The following CEACAM4 variants were observed in gnomAD, a reference collection of about 807,000 sequenced individuals.
CEACAM4 encodes CEA cell adhesion molecule 4.
CEACAM4 carries 30 observed loss-of-function variants against 28.7 expected under a neutral mutation model. The observed-to-expected ratio is 1.05, with a 90% CI of 0.78 to 1.42. The LOEUF is 1.42. Among genes scored for constraint, CEACAM4 ranks in the 40% most tolerant of loss-of-function variants. The pLI, the probability that CEACAM4 is intolerant of heterozygous loss-of-function variation, is 0.00. For missense variants in CEACAM4, 330 were observed against 308.2 expected (o/e 1.07, Z -0.53); for synonymous variants, 143 against 126.5 (o/e 1.13, Z -0.87).
chr19:41,616,158 C>T (rs1555798796), downstream of CEACAM4, among the ~76,000 whole-genome samples: 2 of 152,042 alleles, frequency 1.3e-5, no homozygotes, highest in African/African-American at 4.8e-5. Flanking sequence ...GCCTCCCGAA[C>T]AGCCAGGACT....
Position 41,620,202 on chromosome 19 carries a change from C to A in CEACAM4, c.627+9G>T. The stretch of plus-strand genomic sequence containing the variant: ...CAGTAGAAAAGGGCTGGGGAGGGAA[C>A]AGGCTTACCGAGAAGGTGGATCTGT... On this transcript the variant is annotated intron_variant, in intron 5 of 6. Transcript: ENST00000221954. 1 of 1,491,872 alleles carries A rather than the reference C, an allele frequency of 6.7e-7. No individual in the cohort carries two copies. The highest frequency in any genetic ancestry group is 1.4e-5 in the South Asian group (1 of 72,994). The allele number at this position is 1,491,872 out of a possible 1,614,324, so 92.4% of individuals were successfully genotyped here.
rs782595336 is a variant in CEACAM4 at position 41,620,565 on chromosome 19, G to A, written c.595+10C>T. ...AGGGGCTCCCACACCTGGGCTGAAGGGACACTCACCAGGGGTGGAGGCTGG... is the reference window on the plus strand; with the variant it reads ...AGGGGCTCCCACACCTGGGCTGAAGAGACACTCACCAGGGGTGGAGGCTGG... On this transcript the variant is annotated intron_variant, in intron 4 of 6. Coordinates refer to ENST00000221954, the MANE Select transcript of CEACAM4 (RefSeq NM_001817.4). 8 of 1,611,034 alleles carry A rather than the reference G, an allele frequency of 5.0e-6. No homozygotes were observed. The African/African-American group carries it at 1.1e-4, about 22-fold the overall frequency.
downstream of CEACAM4, among the ~76,000 whole-genome samples, chr19:41,615,391 G>A (rs1555798703): frequency 1.3e-5 from 2 of 152,064 alleles, no homozygotes; most frequent in Admixed American, 6.5e-5. Flanking sequence ...CCCCTGCGCA[G>A]TGAAGCCTCA....
downstream of CEACAM4, among the ~76,000 whole-genome samples, chr19:41,617,392 G>A (rs2071001471): frequency 6.6e-6 from 1 of 152,208 alleles, no homozygotes; most frequent in Non-Finnish European, 1.5e-5. Flanking sequence ...TGTGTAGTTT[G>A]TAGTGAACGA....
downstream of CEACAM4, among the ~76,000 whole-genome samples, chr19:41,615,161 G>A (rs183247874): frequency 5.3e-5 from 8 of 152,162 alleles, no homozygotes; most frequent in East Asian, 1.5e-3. Context: ...GTGAACAGAG[G>A]TGTGTTATGT....
Position 41,619,294 on chromosome 19 carries a change from G to T in CEACAM4, c.*36C>A, listed in dbSNP as rs199844441. 124 of 1,576,764 alleles carry T rather than the reference G, an allele frequency of 7.9e-5. No homozygotes were observed. The East Asian group carries it at 2.7e-3, about 34-fold the overall frequency. On this transcript the variant is annotated 3_prime_UTR_variant, in exon 7 of 7. Transcript: ENST00000221954. The stretch of plus-strand genomic sequence containing the variant: ...CCCCAGGGCTGGGAGCTTCGGGGAC[G>T]CTCCATCAACCCACAAGAGCAGCTC...
chr19:41,625,770 GTC>G lies in CEACAM4; in HGVS notation c.253_254del (p.Asp85HisfsTer47). The G allele has an allele frequency of 1.2e-6, 2 of 1,613,972 alleles. No homozygotes were observed. Among genetic ancestry groups the G allele is most frequent in the East Asian group, 4.5e-5 (2 of 44,852 alleles). ...CGGCCCCTGGGATATTTGCTTGAAT[GTC>G]TGTTATATAACCAGCAATGAGAGGG... is the stretch of plus-strand genomic sequence containing the variant. ...GSPLIAGYIT[D>X]IQANIPGAAY... On this transcript the variant is annotated frameshift_variant, in exon 2 of 7. Transcript: ENST00000221954. LOFTEE classifies it high-confidence loss of function.
At chr19:41,621,067 C>T (rs939837280) in intron 3 of CEACAM4, among the ~76,000 whole-genome samples, 9 of 152,102 alleles carry the variant, frequency 5.9e-5, no homozygotes, top group Non-Finnish European at 1.2e-4. Context: ...TGGCCAGACC[C>T]TCCTTTCAGG....
In CEACAM4 at chr19:41,619,281, G is replaced by A; in HGVS notation, c.*49C>T. 2.0e-6 allele frequency: 3 copies of A among 1,491,468 alleles called. No individual in the cohort carries two copies. The highest frequency in any genetic ancestry group is 2.8e-6 in the Non-Finnish European group (3 of 1,068,842). 92.4% of individuals were successfully genotyped at this position (1,491,468 alleles called of 1,614,324 possible). On this transcript the variant is annotated 3_prime_UTR_variant, in exon 7 of 7. Transcript: ENST00000221954. ...TGTCCTTCCCCGTCCCCAGGGCTGG[G>A]AGCTTCGGGGACGCTCCATCAACCC...
intron 3 of CEACAM4, 91 bp from the exon 4 acceptor site, chr19:41,620,718 A>G (rs1280769961): frequency 3.6e-6 from 4 of 1,098,240 alleles, no homozygotes; most frequent in Non-Finnish European, 5.5e-6. Context: ...TCCATTTTCA[A>G]GGACTGGAGT....
chr19:41,625,802 CT>C lies in CEACAM4; in HGVS notation c.222del (p.Ser76AlafsTer8). Reference sequence around the variant, plus strand: ...ATATAACCAGCAATGAGAGGGCTCCCTTCTGCCGTTTTCCCCTTGTGCCAAT... The same window carrying C: ...ATATAACCAGCAATGAGAGGGCTCCCTCTGCCGTTTTCCCCTTGTGCCAAT... Reference protein sequence around the residue: ...AYYWHKGKTAEGSPLIAGYIT... With the variant: ...AYYWHKGKTAXGSPLIAGYIT... On this transcript the variant is annotated frameshift_variant, in exon 2 of 7. Coordinates refer to ENST00000221954, the MANE Select transcript of CEACAM4 (RefSeq NM_001817.4). LOFTEE classifies it high-confidence loss of function. 1 of 1,613,980 alleles carries C rather than the reference CT, an allele frequency of 6.2e-7. No individual in the cohort carries two copies. Among genetic ancestry groups the C allele is most frequent in the Non-Finnish European group, 8.5e-7 (1 of 1,179,964 alleles).
At chr19:41,622,884 A>AGATAGATAGAT (rs2071391317) in intron 2 of CEACAM4, among the ~76,000 whole-genome samples, 1 of 126,542 alleles carries the variant, frequency 7.9e-6, no homozygotes, top group Admixed American at 7.4e-5. Context: ...ATAGATAGAT[A>AGATAGATAGAT]GATAGATAGA....
downstream of CEACAM4, among the ~76,000 whole-genome samples, chr19:41,616,502 TAGATAGATA>T (rs2122401313): frequency 1.7e-5 from 2 of 116,160 alleles, no homozygotes; most frequent in Non-Finnish European, 3.8e-5. Context: ...GATAGATAGA[TAGATAGATA>T]GATAGATAGA....
At chr19:41,622,402 T>C (rs1416388672) in intron 2 of CEACAM4, among the ~76,000 whole-genome samples, 1 of 152,104 alleles carries the variant, frequency 6.6e-6, no homozygotes, top group Non-Finnish European at 1.5e-5. Context: ...TCTTTTCCAT[T>C]CCATGATTGT....
At chr19:41,614,992 A>G (rs2070968813), downstream of CEACAM4, among the ~76,000 whole-genome samples, 1 of 151,256 alleles carries the variant, frequency 6.6e-6, no homozygotes, top group South Asian at 2.1e-4. Context: ...AGGGGAAGGG[A>G]AAGTTTGGGC....
intron 2 of CEACAM4, 35 bp from the exon 3 acceptor site, chr19:41,621,803 A>T: frequency 7.7e-7 from 1 of 1,293,260 alleles, no homozygotes; most frequent in Non-Finnish European, 1.1e-6. Context: ...GACAAGGCCC[A>T]AGTTTGTTCC....
rs1164354653 is a variant in CEACAM4, at chr19:41,625,777, A to G, written c.248T>C (p.Ile83Thr). 4.3e-6 allele frequency: 7 copies of G among 1,613,820 alleles called. No individual in the cohort carries two copies. In the African/African-American group the frequency reaches 8.0e-5, roughly 18 times the overall value. Residue 83 changes from isoleucine to threonine, a missense_variant, in exon 2 of 7, where the codon ATA (isoleucine) becomes ACA (threonine). Physicochemically the swap from Ile to Thr is moderately conservative, Grantham distance 89. Transcript: ENST00000221954. ...AEGSPLIAGY[I>T]TDIQANIPGA... ...TGGGATATTTGCTTGAATGTCTGTT[A>G]TATAACCAGCAATGAGAGGGCTCCC...
downstream of CEACAM4, among the ~76,000 whole-genome samples, chr19:41,614,577 C>A (rs1263422040): frequency 6.6e-6 from 1 of 152,196 alleles, no homozygotes; most frequent in Non-Finnish European, 1.5e-5. Context: ...CATATTTACC[C>A]TCTTAACCGT....
At chr19:41,624,582 C>T (rs577940923) in intron 2 of CEACAM4, among the ~76,000 whole-genome samples, 5 of 152,312 alleles carry the variant, frequency 3.3e-5, no homozygotes, top group Admixed American at 2.0e-4. Flanking sequence ...AAGAAGAAAA[C>T]ATCCGAACCA....
Sources: allele counts gnomAD v4.1 joint callset (sites outside exome capture counted in the v4.1 genomes callset), GRCh38; gene constraint gnomAD v4.1.1; transcripts MANE v1.5; gene names NCBI Gene and HGNC (gene_info 2026-07-23, HGNC 2026-07-21).